The following NHSL1 variants were observed in gnomAD, a reference collection of about 807,000 sequenced individuals.
The protein encoded by NHSL1 is NHS-like protein 1.
Under a neutral mutation model 95.0 loss-of-function variants are expected in NHSL1, and 48 were observed. The ratio of observed to expected loss-of-function variants is 0.51; its 90% CI spans 0.40 to 0.64. The LOEUF (loss-of-function observed/expected upper bound fraction) is 0.64, where lower values mean the gene tolerates loss of function less well. Ranked by LOEUF, NHSL1 falls within the 30% of genes least tolerant of loss-of-function variation. The pLI is 0.00. For missense variants in NHSL1, 1,971 were observed against 2,077.7 expected (o/e 0.95, Z 1.00); for synonymous variants, 783 against 833.9 (o/e 0.94, Z 1.05).
intron 2 of NHSL1, among the ~76,000 whole-genome samples, chr6:138,495,787 T>C (rs1003909767): frequency 6.6e-6 from 1 of 152,172 alleles, no homozygotes; most frequent in Admixed American, 6.5e-5. Context: ...AATGGACTCA[T>C]AGTTCCACAT....
intron 1 of NHSL1, among the ~76,000 whole-genome samples, chr6:138,527,669 T>C (rs990178507): frequency 6.6e-6 from 1 of 152,158 alleles, no homozygotes; most frequent in Non-Finnish European, 1.5e-5. Flanking sequence ...GAAAAGATCC[T>C]CTTTGAGGCT....
chr6:138,682,052 G>T (rs1785519839), intron 1 of NHSL1, among the ~76,000 whole-genome samples: 1 of 151,024 alleles, frequency 6.6e-6, no homozygotes, highest in South Asian at 2.1e-4. Flanking sequence ...CGTGATCTTG[G>T]CTCACTGCAA....
chr6:138,615,672 C>T (rs1046345349), intron 1 of NHSL1, among the ~76,000 whole-genome samples: 8 of 152,214 alleles, frequency 5.3e-5, no homozygotes, highest in African/African-American at 1.2e-4. Context: ...GGGGTGTCCC[C>T]GTGTTAGCCA....
intron 2 of NHSL1, among the ~76,000 whole-genome samples, chr6:138,492,981 T>C (rs2128281879): frequency 8.0e-6 from 1 of 124,930 alleles, no homozygotes; most frequent in South Asian, 2.5e-4. Context: ...GTGCCACATA[T>C]TCAGAGACTG....
intron 1 of NHSL1, among the ~76,000 whole-genome samples, chr6:138,562,964 G>A (rs187500975): frequency 2.6e-5 from 4 of 152,316 alleles, no homozygotes; most frequent in Admixed American, 2.0e-4. Flanking sequence ...AGTATGAAGT[G>A]CATACTCAAA....
rs1775630271 is a variant in NHSL1 at position 138,431,212 on chromosome 6, C to G, written c.3133G>C (p.Glu1045Gln). ...RPPFTNSGQP[E>Q]SSRGSLRPPS... ...GGCCTCAAGGATCCCCGGGAGGATT[C>G]TGGCTGGCCAGAATTTGTGAAAGGC... The change falls in exon 6 of 8, where the codon GAA becomes CAA. Residue 1045 changes from glutamate (E) to glutamine (Q), a missense_variant. Glu to Gln is a conservative substitution (Grantham distance 29). Transcript: ENST00000343505. This position sits in a 1 kb window ranked among gnomAD's most constrained non-coding sequence, Gnocchi z 4.0. The G allele has an allele frequency of 6.5e-7, 1 of 1,532,810 alleles. No homozygotes were observed. The highest frequency in any genetic ancestry group is 1.4e-5 in the African/African-American group (1 of 72,288). The allele number at this position is 1,532,810 out of a possible 1,614,324, so 95.0% of individuals were successfully genotyped here. A position where few individuals can be genotyped will look rare whatever the true frequency, so the allele number is the denominator to read the frequency against.
At chr6:138,547,170 C>T (rs927048650), upstream of NHSL1, among the ~76,000 whole-genome samples, 2 of 152,164 alleles carry the variant, frequency 1.3e-5, no homozygotes, top group African/African-American at 2.4e-5. Flanking sequence ...TTTCAACATA[C>T]GGTGCAGCAT....
At chr6:138,547,407 G>T (rs116409232), upstream of NHSL1, among the ~76,000 whole-genome samples, 2,966 of 151,850 alleles carry the variant, frequency 0.02, 102 homozygotes, top group African/African-American at 0.068. Context: ...CCCTGAGAGG[G>T]TCTCACTCTG....
chr6:138,598,967 C>G (rs1784337122), intron 1 of NHSL1, among the ~76,000 whole-genome samples: 1 of 152,110 alleles, frequency 6.6e-6, no homozygotes, highest in African/African-American at 2.4e-5. Flanking sequence ...TGCAAGAGTC[C>G]AAGGTCAGAG....
chr6:138,685,229 C>A (rs1785570515), intron 1 of NHSL1, among the ~76,000 whole-genome samples: 1 of 151,974 alleles, frequency 6.6e-6, no homozygotes, highest in South Asian at 2.1e-4. Context: ...TAATTTCAAC[C>A]TAAATGTAGG....
intron 1 of NHSL1, among the ~76,000 whole-genome samples, chr6:138,636,357 T>A (rs932124099): frequency 2.0e-5 from 3 of 152,044 alleles, no homozygotes; most frequent in African/African-American, 7.2e-5. Flanking sequence ...ATCTGCAACA[T>A]GACAAGGATA....
intron 1 of NHSL1, among the ~76,000 whole-genome samples, chr6:138,550,998 T>C (rs540636678): frequency 6.6e-6 from 1 of 152,206 alleles, no homozygotes; most frequent in African/African-American, 2.4e-5. Context: ...TACTTTCAGT[T>C]ACCCCTGGTC....
chr6:138,500,082 GAA>G, upstream of NHSL1, among the ~76,000 whole-genome samples: 1 of 143,990 alleles, frequency 6.9e-6, no homozygotes, highest in South Asian at 2.2e-4. Flanking sequence ...CAACAATCAA[GAA>G]AAAAAAAAAT....
At chr6:138,443,713 C>A (rs1776677764) in intron 4 of NHSL1, among the ~76,000 whole-genome samples, 1 of 152,126 alleles carries the variant, frequency 6.6e-6, no homozygotes, top group Non-Finnish European at 1.5e-5. Context: ...GCCTGTAGTC[C>A]CACCTACTCA....
intron 1 of NHSL1, among the ~76,000 whole-genome samples, chr6:138,565,266 C>T (rs925243566): frequency 2.0e-5 from 3 of 152,038 alleles, no homozygotes; most frequent in Non-Finnish European, 4.4e-5. Flanking sequence ...CGCACTAAAC[C>T]CGAGTAATTT....
At chr6:138,540,304 C>A (rs1782529785) in intron 1 of NHSL1, among the ~76,000 whole-genome samples, 1 of 152,154 alleles carries the variant, frequency 6.6e-6, no homozygotes, top group Non-Finnish European at 1.5e-5. Flanking sequence ...ATGCAATATT[C>A]CCAGGGTTGC....
chr6:138,631,788 C>T (rs1441313724), intron 1 of NHSL1, among the ~76,000 whole-genome samples: 2 of 152,130 alleles, frequency 1.3e-5, no homozygotes, highest in Non-Finnish European at 2.9e-5. Context: ...CTAGCACATT[C>T]TCAGCTGTGG....
chr6:138,542,718 C>G (rs1268883563), intron 1 of NHSL1, among the ~76,000 whole-genome samples: 2 of 152,132 alleles, frequency 1.3e-5, no homozygotes, highest in African/African-American at 4.8e-5. Context: ...AATTATGTTC[C>G]ACGTAGCTTT....
intron 1 of NHSL1, among the ~76,000 whole-genome samples, chr6:138,538,275 G>A (rs1782440354): frequency 6.6e-6 from 1 of 152,182 alleles, no homozygotes; most frequent in Non-Finnish European, 1.5e-5. Flanking sequence ...GAGAGATAGA[G>A]TACCACCACT....
Sources: gnomAD v4.1 joint callset for allele counts (sites outside exome capture counted in the v4.1 genomes callset) on GRCh38, gnomAD v4.1.1 for gene constraint, Gnocchi (gnomAD v3.1) non-coding constraint, MANE v1.5 for transcripts, NCBI Gene and HGNC (gene_info 2026-07-23, HGNC 2026-07-21) for gene names.